The following SPOCK3 variants were observed in gnomAD, a reference collection of about 807,000 sequenced individuals.
SPOCK3 encodes testican-3.
SPOCK3 carries 30 observed loss-of-function variants against 56.6 expected under a neutral mutation model. The ratio of observed to expected loss-of-function variants is 0.53; its 90% CI spans 0.40 to 0.72. SPOCK3 has a LOEUF of 0.72. Ranked by LOEUF, SPOCK3 falls within the 30% of genes least tolerant of loss-of-function variation. The pLI is 0.00. For synonymous variants in SPOCK3, 196 were observed against 183.3 expected, an observed-to-expected ratio of 1.07 and a Z score of -0.56; for missense variants, 527 against 530.0, an observed-to-expected ratio of 0.99 and a Z score of 0.06.
intron 1 of SPOCK3, 106 bp downstream of exon 1, chr4:167,234,344 G>A (rs1737515814): frequency 4.6e-6 from 3 of 653,002 alleles, no homozygotes; most frequent in South Asian, 1.9e-5. Context: ...CCCAAAAGCC[G>A]GGCACTCACA....
chr4:167,225,017 T>A (rs1736449707), intron 2 of SPOCK3, among the ~76,000 whole-genome samples: 2 of 152,184 alleles, frequency 1.3e-5, no homozygotes, highest in African/African-American at 4.8e-5. Flanking sequence ...CAATAACTAT[T>A]CTAATCAAAC....
chr4:166,900,743 T>C (rs1441955616), intron 5 of SPOCK3, among the ~76,000 whole-genome samples: 4 of 152,124 alleles, frequency 2.6e-5, no homozygotes, highest in African/African-American at 9.7e-5. Flanking sequence ...TTGTCCCTCC[T>C]AATATACTCT....
At chr4:167,117,187 C>A (rs944506253) in intron 2 of SPOCK3, among the ~76,000 whole-genome samples, 1 of 151,854 alleles carries the variant, frequency 6.6e-6, no homozygotes, top group Middle Eastern at 3.4e-3. Context: ...ATCACATATA[C>A]CCCATAAATA....
chr4:166,821,422 T>G (rs1290657412), intron 6 of SPOCK3, among the ~76,000 whole-genome samples: 1 of 152,040 alleles, frequency 6.6e-6, no homozygotes, highest in African/African-American at 2.4e-5. Flanking sequence ...ACTTGCTGTA[T>G]GACTCAACAA....
intron 6 of SPOCK3, among the ~76,000 whole-genome samples, chr4:166,867,668 T>C (rs1049230126): frequency 4.6e-5 from 7 of 151,504 alleles, no homozygotes; most frequent in Non-Finnish European, 1.5e-5. Flanking sequence ...ATTAGGCAAA[T>C]GTGTAGTATA....
chr4:166,981,841 C>G (rs1266377409), intron 4 of SPOCK3, among the ~76,000 whole-genome samples: 1 of 152,188 alleles, frequency 6.6e-6, no homozygotes, highest in Non-Finnish European at 1.5e-5. Flanking sequence ...GCCTCTGTCC[C>G]ATGTTGGTCA....
intron 4 of SPOCK3, among the ~76,000 whole-genome samples, chr4:166,987,819 G>A (rs535819954): frequency 1.3e-5 from 2 of 152,100 alleles, no homozygotes; most frequent in South Asian, 4.1e-4. Flanking sequence ...TTTATAATGT[G>A]TGGTAGGTGG....
At chr4:166,979,170 T>G (rs1746307083) in intron 4 of SPOCK3, among the ~76,000 whole-genome samples, 1 of 152,158 alleles carries the variant, frequency 6.6e-6, no homozygotes, top group African/African-American at 2.4e-5. Context: ...TGCAGATGTC[T>G]TCTTTATTTC....
At chr4:166,956,239 A>ACACACACACAC (rs1743455502) in intron 4 of SPOCK3, among the ~76,000 whole-genome samples, 1 of 151,770 alleles carries the variant, frequency 6.6e-6, no homozygotes, top group African/African-American at 2.4e-5. Flanking sequence ...ACACACACAC[A>ACACACACACAC]ATTCTTTTCC....
chr4:167,088,212 C>T (rs1758380843), intron 2 of SPOCK3, among the ~76,000 whole-genome samples: 1 of 152,056 alleles, frequency 6.6e-6, no homozygotes, highest in Non-Finnish European at 1.5e-5. Flanking sequence ...TTTGTTATAA[C>T]ATAAACTTCT....
At chr4:166,911,911 T>C (rs1385003034) in intron 5 of SPOCK3, among the ~76,000 whole-genome samples, 1 of 152,156 alleles carries the variant, frequency 6.6e-6, no homozygotes, top group Non-Finnish European at 1.5e-5. Flanking sequence ...AAAATATATA[T>C]TTTTTAAATC....
chr4:167,096,384 T>C (rs62352445), intron 2 of SPOCK3, among the ~76,000 whole-genome samples: 29,551 of 151,858 alleles, frequency 0.19, 3,769 homozygotes, highest in African/African-American at 0.34. Flanking sequence ...ATGACATAGA[T>C]ATTCAGCATG....
At chr4:166,995,245 A>ATG (rs111990523) in intron 4 of SPOCK3, among the ~76,000 whole-genome samples, 79,060 of 150,396 alleles carry the variant, frequency 0.53, 22,369 homozygotes, top group East Asian at 0.67. Context: ...GCATGTATGT[A>ATG]TGTATGTGTG....
At chr4:167,232,796 CTT>C (rs1490759886) in intron 2 of SPOCK3, among the ~76,000 whole-genome samples, 1 of 152,152 alleles carries the variant, frequency 6.6e-6, no homozygotes, top group Non-Finnish European at 1.5e-5. Flanking sequence ...ATTTGTGTTT[CTT>C]CAGGAATCCC....
At chr4:166,805,507 T>A (rs1743064969) in intron 6 of SPOCK3, among the ~76,000 whole-genome samples, 1 of 152,100 alleles carries the variant, frequency 6.6e-6, no homozygotes, top group Admixed American at 6.6e-5. Flanking sequence ...TATTATTTTA[T>A]CTGATAGACT....
At chr4:167,079,944 A>G (rs148371655) in intron 2 of SPOCK3, among the ~76,000 whole-genome samples, 1 of 152,106 alleles carries the variant, frequency 6.6e-6, no homozygotes, top group East Asian at 1.9e-4. Context: ...TATAAAGATA[A>G]AAGGATTTAG....
rs117555384 is a variant in SPOCK3 at position 167,122,276 on chromosome 4, C to G, written c.190-59739G>C. On this transcript the variant is annotated intron_variant, in intron 2 of 10. Coordinates refer to ENST00000357545, the MANE Select transcript of SPOCK3 (RefSeq NM_001040159.2). ...GGCTCAAGTAATCCTTCTAGCTCAG[C>G]CTGCCAAGTAGCTGGGACAGGCGTG... Among the ~76,000 whole-genome samples, 11 of 152,164 alleles carry G rather than the reference C, an allele frequency of 7.2e-5. No individual in the cohort carries two copies. The East Asian group carries it at 2.1e-3, about 29-fold the overall frequency.
Position 167,023,222 on chromosome 4 carries a change from C to A in SPOCK3, c.236-22759G>T, listed in dbSNP as rs547554120. Among the ~76,000 whole-genome samples, 7 of 151,958 alleles carry A rather than the reference C, an allele frequency of 4.6e-5. No homozygotes were observed. In the East Asian group the frequency reaches 1.2e-3, roughly 25 times the overall value. On this transcript the variant is annotated intron_variant, in intron 3 of 10. Transcript: ENST00000357545. ...ATATGGCACAATTCTTCAGGGGGAC[C>A]ATTTTGCATCTTGGAATCCAAAATG... is the stretch of plus-strand genomic sequence containing the variant.
rs559082276 is a variant in SPOCK3 at position 167,086,365 on chromosome 4, A to T, written c.190-23828T>A. Among the ~76,000 whole-genome samples the T allele has an allele frequency of 2.0e-5, 3 of 152,222 alleles. No homozygotes were observed. In the South Asian group the frequency reaches 6.2e-4, roughly 32 times the overall value. On this transcript the variant is annotated intron_variant, in intron 2 of 10. Coordinates refer to ENST00000357545, the MANE Select transcript of SPOCK3 (RefSeq NM_001040159.2). ...TACTGTCCACTCACTAACGATCAATAGCTCAAACACAAGAGAAGTTAAAAC... is the reference window on the plus strand; with the variant it reads ...TACTGTCCACTCACTAACGATCAATTGCTCAAACACAAGAGAAGTTAAAAC...
Sources: gnomAD v4.1 joint callset for allele counts (sites outside exome capture counted in the v4.1 genomes callset) on GRCh38, gnomAD v4.1.1 for gene constraint, MANE v1.5 for transcripts, NCBI Gene and HGNC (gene_info 2026-07-23, HGNC 2026-07-21) for gene names.